The following AMPH variants were observed in gnomAD, a reference collection of about 807,000 sequenced individuals.
AMPH encodes the protein amphiphysin.
AMPH carries 49 observed loss-of-function variants against 99.1 expected under a neutral mutation model. That is an observed-to-expected ratio of 0.49 (90% CI 0.39 to 0.63). AMPH has a LOEUF of 0.63. Among genes scored for constraint, AMPH ranks in the 20% least tolerant of loss-of-function variants. The pLI, the probability that AMPH is intolerant of heterozygous loss-of-function variation, is 0.00. For synonymous variants in AMPH, 314 were observed against 317.3 expected (o/e 0.99, Z 0.11); for missense variants, 759 against 863.4 (o/e 0.88, Z 1.52).
chr7:38,525,772 C>A (rs987742527), intron 2 of AMPH, among the ~76,000 whole-genome samples: 1 of 152,042 alleles, frequency 6.6e-6, no homozygotes, highest in African/African-American at 2.4e-5. Context: ...TGGTGTGTGG[C>A]CGTAGTTATT....
intron 15 of AMPH, among the ~76,000 whole-genome samples, chr7:38,426,736 C>T (rs746781974): frequency 2.0e-5 from 3 of 152,174 alleles, no homozygotes; most frequent in Middle Eastern, 3.2e-3. Context: ...GCCTGCTGGG[C>T]TAAACACTCT....
chr7:38,429,938 T>C (rs748284927), intron 13 of AMPH, 73 bp from the exon 14 acceptor site: 12 of 1,395,038 alleles, frequency 8.6e-6, no homozygotes, highest in African/African-American at 2.9e-5. Context: ...TCCTATGCTG[T>C]CTAGAGTCAA....
In AMPH at chr7:38,392,448, G is replaced by A. The variant is rs183897216; in HGVS notation, c.1609-431C>T. Among the ~76,000 whole-genome samples, 66 of 130,656 alleles carry A rather than the reference G, an allele frequency of 5.1e-4. 1 individual carries two copies. In the East Asian group the frequency reaches 0.014, roughly 27 times the overall value. The allele number at this position is 130,656 out of a possible 152,430, so 85.7% of individuals were successfully genotyped here. A position where few individuals can be genotyped will look rare whatever the true frequency, so the allele number is the denominator to read the frequency against. On this transcript the variant is annotated intron_variant, in intron 18 of 20. Coordinates refer to ENST00000356264, the MANE Select transcript of AMPH (RefSeq NM_001635.4). ...GTCGCCCAGGCTGGAGTGCAATGAC[G>A]CGATCTCAGCCCACTGCAAACTCTG...
At chr7:38,506,732 G>A (rs1054128732) in intron 2 of AMPH, among the ~76,000 whole-genome samples, 2 of 152,148 alleles carry the variant, frequency 1.3e-5, no homozygotes, top group Admixed American at 6.5e-5. Flanking sequence ...GAGGTGAAGG[G>A]AAAGAAATGG....
chr7:38,621,140 C>G (rs1226437957), intron 1 of AMPH, among the ~76,000 whole-genome samples: 1 of 152,188 alleles, frequency 6.6e-6, no homozygotes, highest in Non-Finnish European at 1.5e-5. Flanking sequence ...CTCCTCTTGT[C>G]TGATGGCTAC....
chr7:38,571,281 T>TATATAGAGAA (rs1562835247), intron 1 of AMPH, among the ~76,000 whole-genome samples: 36 of 44,084 alleles, frequency 8.2e-4, no homozygotes, highest in Non-Finnish European at 1.4e-3. Flanking sequence ...ATATATATTT[T>TATATAGAGAA]TATATATATT....
chr7:38,461,326 T>C lies in AMPH; in HGVS notation c.974A>G (p.Glu325Gly). 1 of 1,614,124 alleles carries C rather than the reference T, an allele frequency of 6.2e-7. No individual in the cohort carries two copies. Among genetic ancestry groups the C allele is most frequent in the Non-Finnish European group, 8.5e-7 (1 of 1,180,004 alleles). ...LQQENIISFF[E>G]DNFVPEISVT... Reference sequence around the variant, plus strand: ...ACTGATTTCTGGAACAAAGTTGTCCTCAAAGAAACTGATGATGTTCTCCTG... The same window carrying C: ...ACTGATTTCTGGAACAAAGTTGTCCCCAAAGAAACTGATGATGTTCTCCTG... Residue 325 changes from glutamate (E) to glycine (G), a missense_variant, in exon 11 of 21, where the codon GAG (glutamate) becomes GGG (glycine). Glu to Gly is a moderately conservative substitution (Grantham distance 98). Around this residue, in one of 2 missense-constraint regions of AMPH, gnomAD observed 554 missense variants for 575.6 expected, o/e 0.96. Transcript: ENST00000356264.
chr7:38,524,242 G>A (rs1790079167), intron 2 of AMPH, among the ~76,000 whole-genome samples: 1 of 152,196 alleles, frequency 6.6e-6, no homozygotes, highest in Non-Finnish European at 1.5e-5. Flanking sequence ...CTCCTCAGAA[G>A]TGTCAAGATC....
chr7:38,393,199 A>T (rs1236026764), intron 18 of AMPH, among the ~76,000 whole-genome samples: 6 of 152,220 alleles, frequency 3.9e-5, no homozygotes, highest in African/African-American at 1.4e-4. Context: ...TAACACTGTT[A>T]TCTGCCTCAG....
Position 38,503,697 on chromosome 7 carries a change from C to A in AMPH, c.158G>T (p.Gly53Val). The part of the protein sequence containing the change: ...VQNFKRQEAE[G>V]TRLQRELRGY... The stretch of plus-strand genomic sequence containing the variant: ...TCGGAGTTCTCGCTGAAGTCTGGTA[C>A]CCTCTGCCTAAAAAACACAAGCACA... The change falls in exon 3 of 21, where the codon GGT (glycine) becomes GTT (valine). Residue 53 changes from glycine (G) to valine (V), a missense_variant. Around this residue, in one of 2 missense-constraint regions of AMPH, gnomAD observed 205 missense variants for 287.9 expected, o/e 0.71. Coordinates refer to ENST00000356264, the MANE Select transcript of AMPH (RefSeq NM_001635.4). 6.2e-7 allele frequency: 1 copy of A among 1,613,988 alleles called. No homozygotes were observed. Among genetic ancestry groups the A allele is most frequent in the African/African-American group, 1.3e-5 (1 of 75,020 alleles).
intron 13 of AMPH, 123 bp downstream of exon 13, chr7:38,432,066 G>A (rs184367515): frequency 4.6e-6 from 4 of 877,078 alleles, no homozygotes; most frequent in Non-Finnish European, 3.9e-6. Context: ...GATCATTCTA[G>A]GGGACTATAT....
chr7:38,498,025 T>C (rs939729876), intron 3 of AMPH, among the ~76,000 whole-genome samples: 19 of 152,190 alleles, frequency 1.2e-4, no homozygotes, highest in African/African-American at 4.6e-4. Flanking sequence ...CTACTGGACA[T>C]CTCCACTTGG....
intron 1 of AMPH, among the ~76,000 whole-genome samples, chr7:38,579,320 T>C (rs1792361139): frequency 6.6e-6 from 1 of 152,208 alleles, no homozygotes; most frequent in African/African-American, 2.4e-5. Context: ...CACTGGGATG[T>C]TGGTCCAGTG....
intron 1 of AMPH, among the ~76,000 whole-genome samples, chr7:38,621,607 GA>G (rs1159809753): frequency 6.6e-6 from 1 of 151,988 alleles, no homozygotes; most frequent in Non-Finnish European, 1.5e-5. Context: ...TAAAGATAGG[GA>G]AAAATCATAT....
At chr7:38,545,341 T>C (rs1348361662) in intron 1 of AMPH, among the ~76,000 whole-genome samples, 7 of 152,154 alleles carry the variant, frequency 4.6e-5, no homozygotes, top group Non-Finnish European at 1.0e-4. Context: ...TGGATCCGGC[T>C]TTACACCAAG....
intron 5 of AMPH, among the ~76,000 whole-genome samples, chr7:38,483,832 T>C (rs775372077): frequency 1.3e-5 from 2 of 152,070 alleles, no homozygotes; most frequent in African/African-American, 2.4e-5. Context: ...AATGGAGATA[T>C]ATGATGTGCC....
At chr7:38,470,651 C>T (rs1787849521) in intron 7 of AMPH, among the ~76,000 whole-genome samples, 3 of 152,060 alleles carry the variant, frequency 2.0e-5, no homozygotes, top group African/African-American at 7.2e-5. Flanking sequence ...TTTGATCTAT[C>T]CGACCATCTA....
At chr7:38,500,804 T>G (rs1283880164) in intron 3 of AMPH, among the ~76,000 whole-genome samples, 1 of 152,202 alleles carries the variant, frequency 6.6e-6, no homozygotes, top group East Asian at 1.9e-4. Context: ...GAGTAATTAA[T>G]GATGAGCTCC....
intron 7 of AMPH, among the ~76,000 whole-genome samples, chr7:38,470,848 G>A (rs182906548): frequency 1.3e-5 from 2 of 152,168 alleles, no homozygotes; most frequent in African/African-American, 4.8e-5. Flanking sequence ...CTATCTGTTT[G>A]AGGGACAACT....
Sources: gnomAD v4.1 joint callset for allele counts (sites outside exome capture counted in the v4.1 genomes callset) on GRCh38, gnomAD v4.1.1 for gene constraint, gnomAD v4.1.1 regional missense constraint, MANE v1.5 for transcripts, NCBI Gene and HGNC (gene_info 2026-07-23, HGNC 2026-07-21) for gene names.